The following RASSF3 variants were observed in gnomAD, a reference collection of about 807,000 sequenced individuals.
The protein encoded by RASSF3 is Ras association domain family member 3.
Under a neutral mutation model 19.9 loss-of-function variants are expected in RASSF3, and 19 were observed. That is an observed-to-expected ratio of 0.96 (90% CI 0.67 to 1.40). The LOEUF is 1.40. Ranked by LOEUF, RASSF3 falls within the 40% of genes most tolerant of loss-of-function variation. The pLI is 0.00. For synonymous variants in RASSF3, 110 were observed against 104.2 expected, an observed-to-expected ratio of 1.06 and a Z score of -0.34; for missense variants, 306 against 289.8, an observed-to-expected ratio of 1.06 and a Z score of -0.41.
chr12:64,696,661 C>T lies in RASSF3; in HGVS notation c.*1749C>T, dbSNP rs977882735. 1 of 152,042 alleles carries T rather than the reference C, an allele frequency of 6.6e-6. No homozygotes were observed. Among genetic ancestry groups the T allele is most frequent in the Non-Finnish European group, 1.5e-5 (1 of 68,020 alleles). The allele number at this position is 152,042 out of a possible 1,614,324, so 9.4% of individuals were successfully genotyped here. On this transcript the variant is annotated 3_prime_UTR_variant, in exon 5 of 5. Coordinates refer to ENST00000542104, the MANE Select transcript of RASSF3 (RefSeq NM_178169.4). ...CTCTTCTGACTTTTTGGAGAATACC[C>T]ATCTTGTTGGAGGCAGACTTAAGTT...
chr12:64,587,931 C>G (rs182605197), intron 2 of RASSF3, among the ~76,000 whole-genome samples: 217 of 152,280 alleles, frequency 1.4e-3, no homozygotes, highest in African/African-American at 5.1e-3. Flanking sequence ...AACACCACCC[C>G]CAGCTGCATC....
rs541720526 is a variant in RASSF3, at chr12:64,521,565, C to T, written c.169+14236C>T. Among the ~76,000 whole-genome samples the T allele has an allele frequency of 3.9e-5, 6 of 152,300 alleles. No individual in the cohort carries two copies. In the East Asian group the frequency reaches 5.8e-4, roughly 15 times the overall value. On this transcript the variant is annotated intron_variant, in intron 1 of 5. Coordinates refer to the RASSF3 transcript ENST00000637125. ...GGATAATCTGACGCTGAAAATGACA[C>T]GTGGATTGTATCACCTATGCACAAG...
chr12:64,691,474 C>A lies in RASSF3; in HGVS notation c.462C>A (p.Tyr154Ter). The change falls in exon 4 of 5, where the codon TAC becomes TAA. Residue 154 changes from tyrosine (Y) to a stop codon, truncating the protein, a stop_gained. Transcript: ENST00000542104. LOFTEE classifies it high-confidence loss of function. ...GCTGCTTGTTTCTTTACCCAGTCTACGCCTGCAAGCTCTCAGACCGGGAAC... is the reference window on the plus strand; with the variant it reads ...GCTGCTTGTTTCTTTACCCAGTCTAAGCCTGCAAGCTCTCAGACCGGGAAC... The part of the protein sequence containing the change: ...YKRCHREDQV[Y>*]ACKLSDREHP... The A allele has an allele frequency of 6.2e-7, 1 of 1,609,146 alleles. No homozygotes were observed.
chr12:64,557,814 T>C (rs1385543549), intron 2 of RASSF3, among the ~76,000 whole-genome samples: 2 of 152,126 alleles, frequency 1.3e-5, no homozygotes, highest in Non-Finnish European at 2.9e-5. Flanking sequence ...TCCAGCTGCT[T>C]CTGGATGGTA....
At chr12:64,611,108 C>T (rs985875689) in intron 1 of RASSF3, among the ~76,000 whole-genome samples, 1 of 152,166 alleles carries the variant, frequency 6.6e-6, no homozygotes, top group Non-Finnish European at 1.5e-5. Flanking sequence ...GGTCGACGGT[C>T]GGGTTCGCGC....
chr12:64,679,746 A>C (rs1873050440), intron 1 of RASSF3, among the ~76,000 whole-genome samples: 1 of 152,196 alleles, frequency 6.6e-6, no homozygotes, highest in South Asian at 2.1e-4. Context: ...GATTTATGAA[A>C]TATTTTTTTG....
chr12:64,585,461 ATATAG>A (rs1201889236), intron 2 of RASSF3, among the ~76,000 whole-genome samples: 1 of 152,182 alleles, frequency 6.6e-6, no homozygotes, highest in African/African-American at 2.4e-5. Context: ...AACTTTGGGA[ATATAG>A]TACATTGTTT....
chr12:64,617,895 G>T (rs1870608899), intron 1 of RASSF3, among the ~76,000 whole-genome samples: 1 of 152,096 alleles, frequency 6.6e-6, no homozygotes, highest in African/African-American at 2.4e-5. Flanking sequence ...ACGTGGAAGT[G>T]TATCACTTCC....
At chr12:64,671,782 G>A (rs1181099210) in intron 1 of RASSF3, among the ~76,000 whole-genome samples, 1 of 152,214 alleles carries the variant, frequency 6.6e-6, no homozygotes, top group African/African-American at 2.4e-5. Context: ...CTGTACCAGC[G>A]TCCTGAATTG....
chr12:64,622,906 C>T (rs948998771), intron 1 of RASSF3, among the ~76,000 whole-genome samples: 7 of 151,704 alleles, frequency 4.6e-5, no homozygotes, highest in Middle Eastern at 3.2e-3. Context: ...CTGCAACCTC[C>T]ATCTCCTGAG....
At chr12:64,609,385 A>G (rs1360090574), upstream of RASSF3, 1 of 152,202 alleles carries the variant, frequency 6.6e-6, no homozygotes, top group Admixed American at 6.5e-5. Flanking sequence ...ATAATGTAAG[A>G]GAGTTTGGCT....
chr12:64,581,639 A>G (rs1869698253), intron 2 of RASSF3, among the ~76,000 whole-genome samples: 1 of 152,044 alleles, frequency 6.6e-6, no homozygotes, highest in Non-Finnish European at 1.5e-5. Flanking sequence ...GGATTGCTTG[A>G]GCCTGGGGAA....
chr12:64,670,640 GT>G (rs1872673427), intron 1 of RASSF3, among the ~76,000 whole-genome samples: 1 of 150,980 alleles, frequency 6.6e-6, no homozygotes, highest in Non-Finnish European at 1.5e-5. Context: ...AGATGAAGGT[GT>G]TTCGCCATTT....
At chr12:64,565,473 G>GTAATCCC (rs2136127500) in intron 2 of RASSF3, among the ~76,000 whole-genome samples, 2 of 152,310 alleles carry the variant, frequency 1.3e-5, no homozygotes, top group South Asian at 4.1e-4. Context: ...AGCACTTTGG[G>GTAATCCC]AGACCGAGGG....
intron 1 of RASSF3, among the ~76,000 whole-genome samples, chr12:64,612,318 G>A (rs1039337320): frequency 6.6e-6 from 1 of 152,042 alleles, no homozygotes; most frequent in East Asian, 1.9e-4. Context: ...TTATTCCAGA[G>A]GTGTCTGCTA....
At position 64,638,520 on chromosome 12, in the gene RASSF3, C is replaced by T. The variant is rs112676564; in HGVS notation, c.111+27777C>T. On this transcript the variant is annotated intron_variant, in intron 1 of 4. Transcript: ENST00000542104. ...GCGTGAACCCAGGAGGCGGAGCTTG[C>T]GGTGAGCCGAGATCGCGCCACTGCA... Among the ~76,000 whole-genome samples, 1,098 of 147,078 alleles carry T rather than the reference C, an allele frequency of 7.5e-3. 9 individuals carry two copies. The highest frequency in any genetic ancestry group is 0.013 in the Non-Finnish European group (859 of 67,442).
intron 2 of RASSF3, among the ~76,000 whole-genome samples, chr12:64,603,168 T>G (rs969654220): frequency 1.1e-4 from 17 of 152,058 alleles, no homozygotes; most frequent in Admixed American, 2.0e-4. Context: ...TTTAACTTTT[T>G]TTTTTGTTGT....
intron 2 of RASSF3, among the ~76,000 whole-genome samples, chr12:64,565,452 C>T (rs1272746659): frequency 6.6e-6 from 1 of 152,188 alleles, no homozygotes; most frequent in East Asian, 1.9e-4. Flanking sequence ...GTGGCTCATG[C>T]CTGTAATCCC....
intron 1 of RASSF3, among the ~76,000 whole-genome samples, chr12:64,533,910 C>T (rs550085786): frequency 1.3e-5 from 2 of 152,214 alleles, no homozygotes; most frequent in East Asian, 3.9e-4. Flanking sequence ...CCTGCGGCTT[C>T]GGGAAATGGG....
Sources: allele counts gnomAD v4.1 joint callset (sites outside exome capture counted in the v4.1 genomes callset), GRCh38; gene constraint gnomAD v4.1.1; transcripts MANE v1.5; gene names NCBI Gene and HGNC (gene_info 2026-07-23, HGNC 2026-07-21).